The following SPRED3 variants were observed in gnomAD, a reference collection of about 807,000 sequenced individuals.
The protein encoded by SPRED3 is sprouty-related, EVH1 domain-containing protein 3.
A neutral mutation model predicts 37.6 loss-of-function variants in SPRED3; 23 were observed. The observed-to-expected ratio is 0.61, with a 90% CI of 0.44 to 0.87. SPRED3 has a LOEUF of 0.87. Ranked by LOEUF, SPRED3 falls within the 40% of genes least tolerant of loss-of-function variation. The probability of loss-of-function intolerance (pLI) is 0.00; values close to 1 mark genes in which losing one functional copy is unlikely to be tolerated. For synonymous variants in SPRED3, 302 were observed against 279.6 expected (o/e 1.08, Z -0.80); for missense variants, 584 against 618.6 (o/e 0.94, Z 0.59).
In SPRED3 at chr19:38,394,795, T is replaced by A; in HGVS notation, c.567+9T>A. 1 of 1,544,512 alleles carries A rather than the reference T, an allele frequency of 6.5e-7. No homozygotes were observed. ...GCCGCTCCTCCGCTCAGGTGCGACC[T>A]GGGAGCCTGGGGCTCCTGGGGGAAT... is the stretch of plus-strand genomic sequence containing the variant. On this transcript the variant is annotated intron_variant, in intron 5 of 5. Coordinates refer to ENST00000691638, the MANE Select transcript of SPRED3 (RefSeq NM_001394336.1).
intron 2 of SPRED3, among the ~76,000 whole-genome samples, chr19:38,390,816 C>T (rs531634793): frequency 1.3e-4 from 20 of 148,704 alleles, no homozygotes; most frequent in African/African-American, 4.7e-4. Flanking sequence ...GCTCAAAACC[C>T]TCCATCTTGC....
rs1027086958 is a variant in SPRED3 at position 38,395,994 on chromosome 19, C to G, written c.1082C>G (p.Pro361Arg). The change falls in exon 6 of 6, where the codon CCG (proline) becomes CGG (arginine). Residue 361 changes from proline (P) to arginine (R), a missense_variant. Coordinates refer to ENST00000691638, the MANE Select transcript of SPRED3 (RefSeq NM_001394336.1). The surrounding 1 kb of genome is among the most constrained non-coding windows in gnomAD (Gnocchi z 5.2). ...CCGTGCGCCTGCGAGCCGGGCCACC[C>G]GCGCCCCGCCGCGCGCTGGGCCGCG... ...SDPCACEPGH[P>R]RPAARWAALA... The G allele has an allele frequency of 2.1e-5, 30 of 1,423,738 alleles. No individual in the cohort carries two copies. The highest frequency in any genetic ancestry group is 2.6e-5 in the Non-Finnish European group (28 of 1,094,634). The allele number at this position is 1,423,738 out of a possible 1,614,324, so 88.2% of individuals were successfully genotyped here. A position where few individuals can be genotyped will look rare whatever the true frequency, so the allele number is the denominator to read the frequency against.
rs1970837376 is a variant in SPRED3 at position 38,391,925 on chromosome 19, T to C, written c.178-21T>C. The C allele has an allele frequency of 2.5e-6, 4 of 1,612,368 alleles. No homozygotes were observed. In the South Asian group the frequency reaches 3.3e-5, roughly 13 times the overall value. On this transcript the variant is annotated intron_variant, in intron 2 of 5. Transcript: ENST00000691638. ...ATGTCTGGGTTGGGGTATCTGACCC[T>C]GCTTTCCTTCTGCCCCTCAGACAAC...
In SPRED3 at chr19:38,395,570, T is replaced by C; in HGVS notation, c.658T>C (p.Tyr220His). Residue 220 changes from tyrosine (Y) to histidine (H), a missense_variant, in exon 6 of 6, where the codon TAC becomes CAC. Physicochemically the swap from Tyr to His is moderately conservative, Grantham distance 83 (BLOSUM62 2). Around this residue, in one of 7 missense-constraint regions of SPRED3, gnomAD observed 310 missense variants for 281.1 expected, o/e 1.10. Transcript: ENST00000691638. The surrounding 1 kb of genome is among the most constrained non-coding windows in gnomAD (Gnocchi z 5.2). ...GGGCCTGGGGTGGGGCGGCCGCGGCTACGAGGATTACCGGCGCTCCGGGCC... is the reference window on the plus strand; with the variant it reads ...GGGCCTGGGGTGGGGCGGCCGCGGCCACGAGGATTACCGGCGCTCCGGGCC... The part of the protein sequence containing the change: ...AGGLGWGGRG[Y>H]EDYRRSGPPA... 6.4e-7 allele frequency: 1 copy of C among 1,554,138 alleles called. No individual in the cohort carries two copies. Among genetic ancestry groups the C allele is most frequent in the Non-Finnish European group, 8.7e-7 (1 of 1,153,162 alleles).
intron 1 of SPRED3, 65 bp downstream of exon 1, chr19:38,388,872 C>G (rs1970784187): frequency 2.5e-6 from 1 of 395,650 alleles, no homozygotes; most frequent in Admixed American, 4.4e-5. Context: ...AGGGGGCGGC[C>G]GTGACCGCGC....
At chr19:38,390,600 T>C (rs1970817774) in intron 2 of SPRED3, 121 bp downstream of exon 2, 1 of 795,132 alleles carries the variant, frequency 1.3e-6, no homozygotes, top group Non-Finnish European at 1.8e-6. Flanking sequence ...GGTGTGAAGT[T>C]TGGGAGTGAA....
At position 38,388,710 on chromosome 19, in the gene SPRED3, C is replaced by G. The variant is rs977737093; in HGVS notation, c.-102C>G. The G allele has an allele frequency of 7.5e-6, 3 of 397,676 alleles. No individual in the cohort carries two copies. The highest frequency in any genetic ancestry group is 4.4e-5 in the Admixed American group (1 of 22,686). 24.6% of individuals were successfully genotyped at this position (397,676 alleles called of 1,614,324 possible). ...CCCCCTCGCCCCGGCTCCCGGTGCC[C>G]GTCTCCAGCGCCGCCGGAGCCAGCC... is the stretch of plus-strand genomic sequence containing the variant. On this transcript the variant is annotated 5_prime_UTR_variant, in exon 1 of 6. Coordinates refer to ENST00000691638, the MANE Select transcript of SPRED3 (RefSeq NM_001394336.1).
Position 38,392,104 on chromosome 19 carries a change from A to G in SPRED3, c.336A>G (p.Ala112=). The G allele has an allele frequency of 1.9e-6, 3 of 1,614,180 alleles. No individual in the cohort carries two copies. The highest frequency in any genetic ancestry group is 2.5e-6 in the Non-Finnish European group (3 of 1,180,016). ...FQKSLLAALA[A]LGRGSLTPSS... The stretch of plus-strand genomic sequence containing the variant: ...AGAGCCTGCTGGCTGCGCTGGCCGC[A>G]CTGGGTCGAGGTGAGCAGCCCAGGT... The change falls in exon 3 of 6, where the codon GCA becomes GCG. Residue 112 remains alanine (A), a synonymous_variant. Coordinates refer to ENST00000691638, the MANE Select transcript of SPRED3 (RefSeq NM_001394336.1).
At chr19:38,391,028 T>G (rs1259590532) in intron 2 of SPRED3, among the ~76,000 whole-genome samples, 2 of 151,584 alleles carry the variant, frequency 1.3e-5, no homozygotes, top group Non-Finnish European at 2.9e-5. Context: ...AGTAGAAAGA[T>G]ATGGATTGTG....
rs774014740 is a variant in SPRED3, at chr19:38,397,903, T to TAAAAAAAAAAAAAA, written c.*1760_*1773dup. On this transcript the variant is annotated 3_prime_UTR_variant, in exon 6 of 6. Coordinates refer to ENST00000691638, the MANE Select transcript of SPRED3 (RefSeq NM_001394336.1). ...CTGGGCAATGTAGTGAGACCGTCTC[T>TAAAAAAAAAAAAAA]AAAAAAAAAAAAAAAGGACCAAGTA... 2 of 131,984 alleles carry TAAAAAAAAAAAAAA rather than the reference T, an allele frequency of 1.5e-5. No individual in the cohort carries two copies. Among genetic ancestry groups the TAAAAAAAAAAAAAA allele is most frequent in the African/African-American group, 5.8e-5 (2 of 34,240 alleles). 8.2% of individuals were successfully genotyped at this position (131,984 alleles called of 1,614,324 possible).
At chr19:38,394,321 A>G in intron 4 of SPRED3, 2 of 1,478,698 alleles carry the variant, frequency 1.4e-6, no homozygotes, top group Non-Finnish European at 1.8e-6. Context: ...TGATTAGATC[A>G]GGAGAAGAGT....
At chr19:38,393,480 T>C (rs546702839) in intron 4 of SPRED3, among the ~76,000 whole-genome samples, 4 of 151,770 alleles carry the variant, frequency 2.6e-5, no homozygotes, top group African/African-American at 9.7e-5. Context: ...CCCAAACAGC[T>C]GGGATTACAG....
At position 38,392,214 on chromosome 19, in the gene SPRED3, T is replaced by C; in HGVS notation, c.349T>C (p.Ser117Pro). ...CTCTGCCTCTCTCCCTGCCCCAGGC[T>C]CACTCACCCCCTCCTCCTCCTCCTC... The part of the protein sequence containing the change: ...LAALAALGRG[S>P]LTPSSSSSSS... The change falls in exon 4 of 6, where the codon TCA (serine) becomes CCA (proline). Residue 117 changes from serine (S) to proline (P), a missense_variant and splice_region_variant. By Grantham distance (74) the Ser-to-Pro change is moderately conservative. Transcript: ENST00000691638. 1 of 1,598,180 alleles carries C rather than the reference T, an allele frequency of 6.3e-7. No individual in the cohort carries two copies. Among genetic ancestry groups the C allele is most frequent in the Non-Finnish European group, 8.5e-7 (1 of 1,171,530 alleles).
At position 38,392,206 on chromosome 19, in the gene SPRED3, C is replaced by T. The variant is rs747589322; in HGVS notation, c.347-6C>T. 91 of 1,600,258 alleles carry T rather than the reference C, an allele frequency of 5.7e-5. No individual in the cohort carries two copies. The highest frequency in any genetic ancestry group is 7.5e-5 in the Non-Finnish European group (88 of 1,172,696). On this transcript the variant is annotated splice_polypyrimidine_tract_variant and splice_region_variant and intron_variant, in intron 3 of 5. Coordinates refer to ENST00000691638, the MANE Select transcript of SPRED3 (RefSeq NM_001394336.1). Reference sequence around the variant, plus strand: ...AACTCACTCTCTGCCTCTCTCCCTGCCCCAGGCTCACTCACCCCCTCCTCC... The same window carrying T: ...AACTCACTCTCTGCCTCTCTCCCTGTCCCAGGCTCACTCACCCCCTCCTCC...
chr19:38,394,484 C>T (rs185173473), intron 4 of SPRED3, 159 bp from the exon 5 acceptor site: 10 of 1,502,758 alleles, frequency 6.7e-6, no homozygotes, highest in Non-Finnish European at 9.2e-6. Context: ...GAGGTGAGCT[C>T]ACTTGCCGGA....
intron 2 of SPRED3, among the ~76,000 whole-genome samples, chr19:38,391,259 G>T: frequency 6.6e-6 from 1 of 151,426 alleles, no homozygotes; most frequent in Middle Eastern, 3.4e-3. Flanking sequence ...ATGAGTCTGA[G>T]GCCGGAGGAA....
At chr19:38,392,587 G>T in intron 4 of SPRED3, 1 of 328,834 alleles carries the variant, frequency 3.0e-6, no homozygotes, top group Non-Finnish European at 5.4e-6. Context: ...CTATTCTAGT[G>T]TGGAAAGGCA....
intron 4 of SPRED3, among the ~76,000 whole-genome samples, chr19:38,394,193 G>A (rs8109713): frequency 0.023 from 3,579 of 152,320 alleles, 54 homozygotes; most frequent in South Asian, 0.045. Context: ...CGGAGTGGGC[G>A]GGACTGCCCC....
chr19:38,394,931 C>A, intron 5 of SPRED3, 145 bp downstream of exon 5: 1 of 1,232,414 alleles, frequency 8.1e-7, no homozygotes, highest in South Asian at 1.6e-5. Context: ...TGGGAGAAAG[C>A]GGCGGGGAAA....
Sources: gnomAD v4.1 joint callset for allele counts (sites outside exome capture counted in the v4.1 genomes callset) on GRCh38, gnomAD v4.1.1 for gene constraint, gnomAD v4.1.1 regional missense constraint, Gnocchi (gnomAD v3.1) non-coding constraint, MANE v1.5 for transcripts, NCBI Gene and HGNC (gene_info 2026-07-23, HGNC 2026-07-21) for gene names.